ARHGAP26: variants seen among roughly 807,000 people sequenced by gnomAD.
ARHGAP26 encodes the protein rho GTPase-activating protein 26.
ARHGAP26 carries 38 observed loss-of-function variants against 104.8 expected under a neutral mutation model. That is an observed-to-expected ratio of 0.36 (90% CI 0.28 to 0.48). ARHGAP26 has a LOEUF of 0.48. Among genes scored for constraint, ARHGAP26 ranks in the 20% least tolerant of loss-of-function variants. The pLI, the probability that ARHGAP26 is intolerant of heterozygous loss-of-function variation, is 0.99. For missense variants in ARHGAP26, 704 were observed against 947.9 expected (o/e 0.74, Z 3.38); for synonymous variants, 341 against 340.0 (o/e 1.00, Z -0.03).
At chr5:143,020,456 G>A (rs1356479852) in intron 12 of ARHGAP26, among the ~76,000 whole-genome samples, 1 of 152,048 alleles carries the variant, frequency 6.6e-6, no homozygotes, top group Non-Finnish European at 1.5e-5. Flanking sequence ...AGTACCCAGG[G>A]TGCAGACTAC....
chr5:142,794,329 G>A (rs1760509686), intron 1 of ARHGAP26, among the ~76,000 whole-genome samples: 1 of 152,192 alleles, frequency 6.6e-6, no homozygotes, highest in Non-Finnish European at 1.5e-5. Flanking sequence ...GAAAGTCAGG[G>A]AGGGATGATT....
chr5:142,996,858 A>G (rs999736240), intron 11 of ARHGAP26, among the ~76,000 whole-genome samples: 1 of 152,202 alleles, frequency 6.6e-6, no homozygotes, highest in Non-Finnish European at 1.5e-5. Flanking sequence ...TGTGGCTTAT[A>G]GAAAGAGAGA....
intron 1 of ARHGAP26, among the ~76,000 whole-genome samples, chr5:142,827,278 T>C (rs1371160995): frequency 6.6e-6 from 1 of 152,218 alleles, no homozygotes; most frequent in Non-Finnish European, 1.5e-5. Flanking sequence ...ATGGTCTTAC[T>C]ACAACTGTGG....
At chr5:142,927,526 TGTATG>T (rs2152521596) in intron 10 of ARHGAP26, among the ~76,000 whole-genome samples, 1 of 152,328 alleles carries the variant, frequency 6.6e-6, no homozygotes, top group Non-Finnish European at 1.5e-5. Flanking sequence ...AAAAAATTGT[TGTATG>T]GTATGCCATT....
intron 10 of ARHGAP26, among the ~76,000 whole-genome samples, chr5:142,919,753 T>C (rs1562081153): frequency 1.3e-5 from 2 of 152,192 alleles, no homozygotes; most frequent in African/African-American, 2.4e-5. Flanking sequence ...TCCCAGCATT[T>C]TGGGAGGCCG....
intron 11 of ARHGAP26, among the ~76,000 whole-genome samples, chr5:142,981,446 G>A (rs894761461): frequency 6.6e-6 from 1 of 152,138 alleles, no homozygotes; most frequent in African/African-American, 2.4e-5. Context: ...TCTTTCTTGA[G>A]CCATGCAGGC....
At chr5:142,855,805 TTA>T (rs1248357098) in intron 1 of ARHGAP26, among the ~76,000 whole-genome samples, 4 of 152,230 alleles carry the variant, frequency 2.6e-5, no homozygotes, top group Non-Finnish European at 4.4e-5. Context: ...AATGACTGAC[TTA>T]TATACTCTCA....
At position 142,883,550 on chromosome 5, in the gene ARHGAP26, C is replaced by G. The variant is rs531370599; in HGVS notation, c.385-1748C>G. 3.3e-5 allele frequency among the ~76,000 whole-genome samples: 5 copies of G among 152,392 alleles called. No homozygotes were observed. The South Asian group carries it at 8.3e-4, about 25-fold the overall frequency. ...AATGGATATATGGTTATTCTGCCCA[C>G]TCTGTGAGCATGTACCAGAGGAGTG... On this transcript the variant is annotated intron_variant, in intron 4 of 22. Coordinates refer to ENST00000645722, the MANE Select transcript of ARHGAP26 (RefSeq NM_001135608.3).
intron 5 of ARHGAP26, among the ~76,000 whole-genome samples, chr5:142,887,303 G>A (rs768840781): frequency 4.6e-5 from 7 of 152,194 alleles, no homozygotes; most frequent in Non-Finnish European, 7.3e-5. Context: ...CTTCTCTGCT[G>A]TGTATTTACT....
intron 11 of ARHGAP26, among the ~76,000 whole-genome samples, chr5:143,000,224 C>A (rs551020148): frequency 1.6e-4 from 25 of 152,162 alleles, no homozygotes; most frequent in Non-Finnish European, 3.1e-4. Context: ...TGGAAGTTTT[C>A]TGTTTAATAA....
intron 11 of ARHGAP26, among the ~76,000 whole-genome samples, chr5:142,942,973 G>T (rs1766596423): frequency 6.6e-6 from 1 of 152,182 alleles, no homozygotes; most frequent in African/African-American, 2.4e-5. Context: ...GAGAGACGAG[G>T]TTTCAACATG....
chr5:142,849,578 C>G (rs1226877597), intron 1 of ARHGAP26, among the ~76,000 whole-genome samples: 1 of 152,110 alleles, frequency 6.6e-6, no homozygotes, highest in African/African-American at 2.4e-5. Context: ...TCTCAAGGTT[C>G]CCTTCCTTGT....
At chr5:142,976,530 C>A (rs1562190376) in intron 11 of ARHGAP26, among the ~76,000 whole-genome samples, 1 of 152,164 alleles carries the variant, frequency 6.6e-6, no homozygotes, top group Admixed American at 6.5e-5. Context: ...TCAATGGAGT[C>A]TTTAACATCC....
At chr5:142,861,041 CCT>C (rs1561968604) in intron 1 of ARHGAP26, among the ~76,000 whole-genome samples, 1 of 152,156 alleles carries the variant, frequency 6.6e-6, no homozygotes, top group African/African-American at 2.4e-5. Flanking sequence ...TTATCTTTGG[CCT>C]CTCTCATTCT....
At chr5:142,943,714 C>T (rs1039417547) in intron 11 of ARHGAP26, among the ~76,000 whole-genome samples, 3 of 152,128 alleles carry the variant, frequency 2.0e-5, no homozygotes, top group Admixed American at 2.0e-4. Flanking sequence ...TTTATCAGTT[C>T]TAAATATAGC....
chr5:142,851,617 G>A (rs1751537072), intron 1 of ARHGAP26, among the ~76,000 whole-genome samples: 1 of 152,166 alleles, frequency 6.6e-6, no homozygotes, highest in African/African-American at 2.4e-5. Context: ...GATCACTGAT[G>A]GAACTGGTGT....
At chr5:143,068,258 G>A (rs565830444) in intron 17 of ARHGAP26, among the ~76,000 whole-genome samples, 4 of 152,276 alleles carry the variant, frequency 2.6e-5, no homozygotes, top group Admixed American at 2.0e-4. Context: ...ATCAGACATC[G>A]CAAAGCAACC....
At chr5:142,820,837 T>C (rs975525158) in intron 1 of ARHGAP26, among the ~76,000 whole-genome samples, 1 of 152,270 alleles carries the variant, frequency 6.6e-6, no homozygotes, top group Non-Finnish European at 1.5e-5. Context: ...CGGAACATTA[T>C]GAAGTGGAGT....
chr5:143,171,703 C>A (rs76976733), intron 20 of ARHGAP26, among the ~76,000 whole-genome samples: 91 of 152,214 alleles, frequency 6.0e-4, no homozygotes, highest in African/African-American at 2.2e-3. Flanking sequence ...CTACATTTGC[C>A]CATTTCTGCC....
Sources: gnomAD v4.1 joint callset for allele counts (sites outside exome capture counted in the v4.1 genomes callset) on GRCh38, gnomAD v4.1.1 for gene constraint, MANE v1.5 for transcripts, NCBI Gene and HGNC (gene_info 2026-07-23, HGNC 2026-07-21) for gene names.